Variants in ARID5B observed in about 807,000 individuals in gnomAD.
ARID5B encodes AT-rich interactive domain-containing protein 5B.
ARID5B carries 13 observed loss-of-function variants against 97.2 expected under a neutral mutation model. The observed-to-expected ratio is 0.13, with a 90% CI of 0.09 to 0.21. The LOEUF (loss-of-function observed/expected upper bound fraction) is 0.21, where lower values mean the gene tolerates loss of function less well. Among genes scored for constraint, ARID5B ranks in the 10% least tolerant of loss-of-function variants. The pLI, the probability that ARID5B is intolerant of heterozygous loss-of-function variation, is 1.00. For missense variants in ARID5B, 1,210 were observed against 1,465.3 expected (o/e 0.83, Z 2.84); for synonymous variants, 556 against 570.3 (o/e 0.97, Z 0.36).
intron 4 of ARID5B, among the ~76,000 whole-genome samples, chr10:62,008,463 A>G (rs1463744301): frequency 6.6e-6 from 1 of 152,230 alleles, no homozygotes; most frequent in African/African-American, 2.4e-5. Flanking sequence ...AGCTTTCTAG[A>G]TGATGAATGT....
intron 3 of ARID5B, among the ~76,000 whole-genome samples, chr10:61,945,570 C>G (rs1844485978): frequency 6.6e-6 from 1 of 152,156 alleles, no homozygotes; most frequent in African/African-American, 2.4e-5. Context: ...TGGTTTCACT[C>G]TGCCATTTTC....
chr10:61,989,917 T>C (rs1281560816), intron 3 of ARID5B, among the ~76,000 whole-genome samples: 1 of 152,220 alleles, frequency 6.6e-6, no homozygotes, highest in Non-Finnish European at 1.5e-5. Flanking sequence ...GACTCTTTAG[T>C]GCTCATAATA....
intron 7 of ARID5B, among the ~76,000 whole-genome samples, 176 bp downstream of exon 7, chr10:62,059,471 G>A (rs559166727): frequency 1.3e-5 from 2 of 152,098 alleles, no homozygotes; most frequent in African/African-American, 4.8e-5. Flanking sequence ...TTCCAGGTTT[G>A]GCAAAATTGT....
intron 3 of ARID5B, among the ~76,000 whole-genome samples, chr10:61,977,506 C>T (rs1352716706): frequency 6.6e-6 from 1 of 152,228 alleles, no homozygotes; most frequent in Non-Finnish European, 1.5e-5. Context: ...TCTCCACATC[C>T]TCTCCAGCAC....
intron 3 of ARID5B, among the ~76,000 whole-genome samples, chr10:61,966,908 A>G (rs1291431301): frequency 1.3e-5 from 2 of 151,990 alleles, no homozygotes; most frequent in African/African-American, 4.8e-5. Flanking sequence ...GATCTATAAC[A>G]TTTTTTATCC....
chr10:62,036,345 C>G (rs1471610022), intron 4 of ARID5B, among the ~76,000 whole-genome samples: 1 of 152,072 alleles, frequency 6.6e-6, no homozygotes, highest in Non-Finnish European at 1.5e-5. Flanking sequence ...GTCCTGAGTT[C>G]CCAAAGCCCT....
chr10:61,937,467 G>A (rs1434168659), intron 2 of ARID5B, among the ~76,000 whole-genome samples: 2 of 152,104 alleles, frequency 1.3e-5, no homozygotes, highest in African/African-American at 4.8e-5. Flanking sequence ...TACAGAAATA[G>A]GCAGTTTAAA....
chr10:61,969,240 C>A (rs752182220), intron 3 of ARID5B, among the ~76,000 whole-genome samples: 1 of 152,166 alleles, frequency 6.6e-6, no homozygotes, highest in Non-Finnish European at 1.5e-5. Context: ...CGATTTTCAG[C>A]AAGTCCTAAA....
intron 2 of ARID5B, among the ~76,000 whole-genome samples, chr10:61,930,706 C>A (rs60120069): frequency 6.4e-5 from 4 of 62,320 alleles, no homozygotes; most frequent in Admixed American, 1.4e-4. Flanking sequence ...GGCGACAGAG[C>A]GAGACTCCGC....
intron 3 of ARID5B, among the ~76,000 whole-genome samples, chr10:61,944,071 C>A (rs970186551): frequency 3.9e-5 from 6 of 152,120 alleles, no homozygotes; most frequent in African/African-American, 1.4e-4. Flanking sequence ...ATTCTCTTCC[C>A]TCCTCTTTGT....
At chr10:61,996,885 GAAA>G (rs199599810) in intron 3 of ARID5B, among the ~76,000 whole-genome samples, 1 of 144,000 alleles carries the variant, frequency 6.9e-6, no homozygotes. Flanking sequence ...TCTGACAACT[GAAA>G]AAAAAAAATA....
intron 2 of ARID5B, among the ~76,000 whole-genome samples, chr10:61,912,351 G>A (rs1843820191): frequency 6.6e-6 from 1 of 151,998 alleles, no homozygotes; most frequent in Non-Finnish European, 1.5e-5. Context: ...GAGATCTAAT[G>A]TATAGTATAG....
At chr10:61,956,622 C>T (rs1838395060) in intron 3 of ARID5B, among the ~76,000 whole-genome samples, 1 of 152,196 alleles carries the variant, frequency 6.6e-6, no homozygotes, top group African/African-American at 2.4e-5. Context: ...ACACTAATAA[C>T]CTCAATCTCA....
At chr10:61,937,685 G>A (rs2132792244) in intron 2 of ARID5B, among the ~76,000 whole-genome samples, 1 of 152,326 alleles carries the variant, frequency 6.6e-6, no homozygotes, top group South Asian at 2.1e-4. Flanking sequence ...ATGTAATCAT[G>A]AGATGAGCTT....
intron 3 of ARID5B, among the ~76,000 whole-genome samples, chr10:61,970,649 T>C (rs2132833147): frequency 6.6e-6 from 1 of 152,314 alleles, no homozygotes; most frequent in South Asian, 2.1e-4. Flanking sequence ...TGCTATTTTG[T>C]ATGTTGGAAC....
At chr10:62,008,922 T>A (rs1453291059) in intron 4 of ARID5B, among the ~76,000 whole-genome samples, 1 of 152,228 alleles carries the variant, frequency 6.6e-6, no homozygotes, top group Non-Finnish European at 1.5e-5. Context: ...TTGGCATTAT[T>A]CTTTAATGAA....
chr10:62,061,705 A>G (rs1367689039), intron 7 of ARID5B, among the ~76,000 whole-genome samples: 5 of 152,124 alleles, frequency 3.3e-5, no homozygotes, highest in South Asian at 2.1e-4. Context: ...CGCCTTCTCA[A>G]TGGGAAATTT....
At chr10:62,041,515 A>C (rs1839637469) in intron 4 of ARID5B, among the ~76,000 whole-genome samples, 1 of 152,228 alleles carries the variant, frequency 6.6e-6, no homozygotes, top group Non-Finnish European at 1.5e-5. Flanking sequence ...CTTTCTGTAC[A>C]AATTCCTTTT....
intron 4 of ARID5B, among the ~76,000 whole-genome samples, chr10:62,020,278 CAT>C (rs1270044494): frequency 3.3e-5 from 5 of 152,300 alleles, no homozygotes; most frequent in South Asian, 2.1e-4. Context: ...ATTAATGACT[CAT>C]GTGAACAATT....
Sources: gnomAD v4.1 joint callset for allele counts (sites outside exome capture counted in the v4.1 genomes callset) on GRCh38, gnomAD v4.1.1 for gene constraint, MANE v1.5 for transcripts, NCBI Gene and HGNC (gene_info 2026-07-23, HGNC 2026-07-21) for gene names.